FHL2: variants seen among roughly 807,000 people sequenced by gnomAD.
FHL2 encodes the protein four and a half LIM domains 2, also known as four and a half LIM domains protein 2.
In FHL2, 20 loss-of-function variants were observed where a neutral mutation model predicts 32.7. The observed-to-expected ratio is 0.61, with a 90% CI of 0.43 to 0.89. FHL2 has a LOEUF of 0.89. Among genes scored for constraint, FHL2 ranks in the 40% least tolerant of loss-of-function variants. FHL2 has a pLI of 0.00. For synonymous variants in FHL2, 123 were observed against 128.1 expected, an observed-to-expected ratio of 0.96 and a Z score of 0.27; for missense variants, 311 against 358.6, an observed-to-expected ratio of 0.87 and a Z score of 1.07.
chr2:105,368,329 A>G (rs1047208234), intron 4 of FHL2, among the ~76,000 whole-genome samples: 49 of 152,256 alleles, frequency 3.2e-4, no homozygotes, highest in Middle Eastern at 6.8e-3. Context: ...TAAAACCTAC[A>G]TGTAGTTTTT....
intron 3 of FHL2, among the ~76,000 whole-genome samples, chr2:105,385,549 A>G (rs923025109): frequency 2.0e-5 from 3 of 152,210 alleles, no homozygotes; most frequent in Non-Finnish European, 4.4e-5. Flanking sequence ...AGAGATGCCA[A>G]AGGAATCCCA....
intron 4 of FHL2, among the ~76,000 whole-genome samples, chr2:105,369,615 A>C (rs1680879420): frequency 6.6e-6 from 1 of 152,240 alleles, no homozygotes; most frequent in South Asian, 2.1e-4. Context: ...TCCTAAAACA[A>C]ACATTACATG....
chr2:105,424,128 A>G (rs536526448), intron 1 of FHL2, among the ~76,000 whole-genome samples: 1 of 152,282 alleles, frequency 6.6e-6, no homozygotes, highest in East Asian at 1.9e-4. Context: ...AATCTAAGCC[A>G]TCTGACAAAG....
intron 1 of FHL2, among the ~76,000 whole-genome samples, chr2:105,435,649 C>T (rs1379049619): frequency 6.6e-6 from 1 of 152,060 alleles, no homozygotes; most frequent in South Asian, 2.1e-4. Flanking sequence ...TGACGAAACA[C>T]TGTCTTCACT....
At chr2:105,366,550 A>G (rs938182988) in intron 5 of FHL2, among the ~76,000 whole-genome samples, 38 of 152,210 alleles carry the variant, frequency 2.5e-4, no homozygotes, top group Non-Finnish European at 4.4e-4. Context: ...GCTGGAAGCT[A>G]TAGCATAATA....
upstream of FHL2, chr2:105,399,701 G>T: frequency 1.4e-6 from 2 of 1,387,314 alleles, no homozygotes; most frequent in South Asian, 2.9e-5. Context: ...TTCCAAGCCC[G>T]GGCCCTCTGC....
intron 1 of FHL2, among the ~76,000 whole-genome samples, chr2:105,422,041 G>C (rs1684117362): frequency 6.6e-6 from 1 of 152,180 alleles, no homozygotes; most frequent in South Asian, 2.1e-4. Flanking sequence ...AGTTGCCCTA[G>C]GAAAGAATCA....
Position 105,361,424 on chromosome 2 carries a change from G to A in FHL2, c.699C>T (p.Gly233=), listed in dbSNP as rs770807726. ...GCTNPISGLG[G]TKYISFEERQ... is the part of the protein sequence containing the mutation. ...GTTCCTCAAAGGAGATGTATTTTGT[G>A]CCACCAAGTCCTGTTAACAGAGAGA... The change falls in exon 7 of 7, where the codon GGC becomes GGT. Residue 233 remains glycine (G), a synonymous_variant. Transcript: ENST00000530340. 3 of 1,613,918 alleles carry A rather than the reference G, an allele frequency of 1.9e-6. No individual in the cohort carries two copies. Among genetic ancestry groups the A allele is most frequent in the Non-Finnish European group, 2.5e-6 (3 of 1,179,886 alleles).
At chr2:105,371,263 G>T (rs1274189933) in intron 4 of FHL2, among the ~76,000 whole-genome samples, 1 of 152,146 alleles carries the variant, frequency 6.6e-6, no homozygotes, top group Non-Finnish European at 1.5e-5. Flanking sequence ...ATCTAAGTCA[G>T]CAAGCTTCGA....
intron 2 of FHL2, among the ~76,000 whole-genome samples, chr2:105,389,432 G>A (rs956510579): frequency 2.6e-5 from 4 of 152,178 alleles, no homozygotes; most frequent in Non-Finnish European, 5.9e-5. Flanking sequence ...CCAATAAAGG[G>A]TGTGATTTAG....
At position 105,361,091 on chromosome 2, in the gene FHL2, G is replaced by T; in HGVS notation, c.*192C>A. On this transcript the variant is annotated 3_prime_UTR_variant, in exon 7 of 7. Transcript: ENST00000530340. ...TCTTCCCACCTAGGGCCTAGGGCGA[G>T]TTTTCTCTTTCCCTGGGACTGAACT... 1 of 497,348 alleles carries T rather than the reference G, an allele frequency of 2.0e-6. No individual in the cohort carries two copies. The allele number at this position is 497,348 out of a possible 1,614,324, so 30.8% of individuals were successfully genotyped here. A position where few individuals can be genotyped will look rare whatever the true frequency, so the allele number is the denominator to read the frequency against.
At chr2:105,379,941 G>A (rs1042609595) in intron 3 of FHL2, among the ~76,000 whole-genome samples, 1 of 152,220 alleles carries the variant, frequency 6.6e-6, no homozygotes, top group African/African-American at 2.4e-5. Context: ...AAACTCGTAG[G>A]TAACTAATTA....
intron 1 of FHL2, among the ~76,000 whole-genome samples, chr2:105,420,264 A>G (rs986430875): frequency 2.0e-5 from 3 of 152,156 alleles, no homozygotes; most frequent in African/African-American, 7.2e-5. Flanking sequence ...AATCTTTGGC[A>G]TCCCTTGGCT....
At chr2:105,365,403 A>G (rs1680556495) in intron 5 of FHL2, among the ~76,000 whole-genome samples, 1 of 152,232 alleles carries the variant, frequency 6.6e-6, no homozygotes, top group Admixed American at 6.5e-5. Flanking sequence ...GAACATGCAC[A>G]CAAAAAGCAT....
chr2:105,416,890 T>G (rs931676751), intron 1 of FHL2, among the ~76,000 whole-genome samples: 1 of 152,208 alleles, frequency 6.6e-6, no homozygotes, highest in Non-Finnish European at 1.5e-5. Context: ...TACTCTGCAT[T>G]TTTGGGAAAA....
rs924133866 is a variant in FHL2 at position 105,398,464 on chromosome 2, G to T, written c.-76+378C>A. The stretch of plus-strand genomic sequence containing the variant: ...ACCACCGTGCCAGGACAGCCCGCTC[G>T]GGAGTCGGGCCTGGAAGCAGGCGGA... On this transcript the variant is annotated intron_variant, in intron 1 of 6. Transcript: ENST00000530340. Among the ~76,000 whole-genome samples, 5 of 152,196 alleles carry T rather than the reference G, an allele frequency of 3.3e-5. No homozygotes were observed. In the South Asian group the frequency reaches 1.0e-3, roughly 31 times the overall value.
chr2:105,427,157 C>T (rs544037199), intron 1 of FHL2, among the ~76,000 whole-genome samples: 173 of 152,188 alleles, frequency 1.1e-3, no homozygotes, highest in African/African-American at 4.1e-3. Context: ...GGTGGCTGCC[C>T]ACACCAGGAA....
At position 105,386,536 on chromosome 2, in the gene FHL2, G is replaced by A. The variant is rs754690379; in HGVS notation, c.-20C>T. On this transcript the variant is annotated 5_prime_UTR_variant, in exon 3 of 7. Transcript: ENST00000530340. ...AGTCATTTTGACTCCTGGCTTTTCAGCAACCTATCAAAAAGAAAAGAAAAT... is the reference window on the plus strand; with the variant it reads ...AGTCATTTTGACTCCTGGCTTTTCAACAACCTATCAAAAAGAAAAGAAAAT... 19 of 1,613,732 alleles carry A rather than the reference G, an allele frequency of 1.2e-5. No homozygotes were observed. The Admixed American group carries it at 3.0e-4, about 25-fold the overall frequency.
chr2:105,407,085 T>C (rs888135625), intron 1 of FHL2, among the ~76,000 whole-genome samples: 3 of 152,192 alleles, frequency 2.0e-5, no homozygotes, highest in Non-Finnish European at 4.4e-5. Flanking sequence ...CTGAATTTAA[T>C]TCAGTTTTCT....
Sources: gnomAD v4.1 joint callset for allele counts (sites outside exome capture counted in the v4.1 genomes callset) on GRCh38, gnomAD v4.1.1 for gene constraint, MANE v1.5 for transcripts, NCBI Gene and HGNC (gene_info 2026-07-23, HGNC 2026-07-21) for gene names.